The following TMEM117 variants were observed in gnomAD, a reference collection of about 807,000 sequenced individuals.
TMEM117 encodes the protein transmembrane protein 117.
Under a neutral mutation model 52.4 loss-of-function variants are expected in TMEM117, and 27 were observed. That is an observed-to-expected ratio of 0.51 (90% CI 0.38 to 0.71). The LOEUF (loss-of-function observed/expected upper bound fraction) is 0.71. Among genes scored for constraint, TMEM117 ranks in the 30% least tolerant of loss-of-function variants. The pLI, the probability that TMEM117 is intolerant of heterozygous loss-of-function variation, is 0.00. For synonymous variants in TMEM117, 215 were observed against 206.3 expected, an observed-to-expected ratio of 1.04 and a Z score of -0.36; for missense variants, 556 against 630.5, an observed-to-expected ratio of 0.88 and a Z score of 1.26.
chr12:44,326,300 T>A (rs886367659), intron 6 of TMEM117, among the ~76,000 whole-genome samples: 5 of 152,232 alleles, frequency 3.3e-5, no homozygotes, highest in African/African-American at 1.2e-4. Context: ...AGAGGGTGTG[T>A]TCAACATACA....
At chr12:44,362,537 T>C (rs1287004210) in intron 6 of TMEM117, among the ~76,000 whole-genome samples, 1 of 151,556 alleles carries the variant, frequency 6.6e-6, no homozygotes, top group African/African-American at 2.4e-5. Flanking sequence ...TGCAAATATT[T>C]AGCAAATAAA....
At chr12:43,986,889 A>T (rs1044552222) in intron 3 of TMEM117, among the ~76,000 whole-genome samples, 4 of 152,092 alleles carry the variant, frequency 2.6e-5, no homozygotes, top group Non-Finnish European at 5.9e-5. Flanking sequence ...TAGATTTTAA[A>T]TTTAAGGCTA....
chr12:44,143,413 C>T (rs1198849586), intron 3 of TMEM117, 112 bp from the exon 4 acceptor site: 9 of 697,824 alleles, frequency 1.3e-5, no homozygotes, highest in Non-Finnish European at 2.1e-5. Flanking sequence ...GGGACAAGAG[C>T]CAGACAGCTT....
At chr12:44,147,192 CTA>C (rs1334402751) in intron 4 of TMEM117, among the ~76,000 whole-genome samples, 1 of 152,136 alleles carries the variant, frequency 6.6e-6, no homozygotes, top group Non-Finnish European at 1.5e-5. Flanking sequence ...TGGGTCTTTG[CTA>C]TGGGCAGGAT....
At chr12:44,125,657 G>A (rs1289607422) in intron 3 of TMEM117, among the ~76,000 whole-genome samples, 2 of 151,844 alleles carry the variant, frequency 1.3e-5, no homozygotes, top group African/African-American at 2.4e-5. Context: ...TAAGTTTTCA[G>A]AAAACCAGCT....
intron 3 of TMEM117, among the ~76,000 whole-genome samples, chr12:44,131,752 A>T (rs1003637044): frequency 6.6e-6 from 1 of 152,188 alleles, no homozygotes; most frequent in African/African-American, 2.4e-5. Context: ...AATTGATATT[A>T]ATATAGCTAT....
chr12:44,361,860 C>A (rs1030501276), intron 6 of TMEM117, among the ~76,000 whole-genome samples: 3 of 152,088 alleles, frequency 2.0e-5, no homozygotes, highest in African/African-American at 7.2e-5. Context: ...CTGAGAAGTA[C>A]TAAGGTCTAT....
At chr12:43,846,003 T>TA (rs1320496767) in intron 2 of TMEM117, among the ~76,000 whole-genome samples, 1 of 152,096 alleles carries the variant, frequency 6.6e-6, no homozygotes, top group Non-Finnish European at 1.5e-5. Flanking sequence ...TTATAAATCA[T>TA]AAAAAAATGC....
At chr12:44,132,605 C>T (rs1031701556) in intron 3 of TMEM117, among the ~76,000 whole-genome samples, 1 of 152,102 alleles carries the variant, frequency 6.6e-6, no homozygotes, top group Non-Finnish European at 1.5e-5. Context: ...GTCAATACAA[C>T]AAAGAAAGCT....
intron 6 of TMEM117, among the ~76,000 whole-genome samples, chr12:44,361,796 A>T (rs1951725168): frequency 6.6e-6 from 1 of 151,970 alleles, no homozygotes; most frequent in Non-Finnish European, 1.5e-5. Flanking sequence ...ACACAAAAAA[A>T]AATTGTGCCA....
chr12:43,890,755 C>T (rs1479805830), intron 2 of TMEM117, among the ~76,000 whole-genome samples: 1 of 152,108 alleles, frequency 6.6e-6, no homozygotes, highest in African/African-American at 2.4e-5. Context: ...TGGTCTTGAA[C>T]TCCTGACCTC....
In TMEM117 at chr12:43,927,012, G is replaced by A. The variant is rs139449001; in HGVS notation, c.278-17198G>A. On this transcript the variant is annotated intron_variant, in intron 2 of 7. Transcript: ENST00000266534. ...TTTTTCTTCTTAAGTTGGATATATA[G>A]CTTATAGATATTCAGCCTTTTATAA... Among the ~76,000 whole-genome samples, 383 of 151,916 alleles carry A rather than the reference G, an allele frequency of 2.5e-3. 2 individuals carry two copies. The highest frequency in any genetic ancestry group is 8.5e-3 in the African/African-American group (353 of 41,494).
chr12:44,328,891 T>C (rs531978746), intron 6 of TMEM117, among the ~76,000 whole-genome samples: 1 of 152,102 alleles, frequency 6.6e-6, no homozygotes, highest in East Asian at 1.9e-4. Flanking sequence ...CTTTAAAGGT[T>C]TAGGGACCTG....
At chr12:44,065,054 A>G (rs55756710) in intron 3 of TMEM117, among the ~76,000 whole-genome samples, 24,445 of 152,224 alleles carry the variant, frequency 0.16, 2,975 homozygotes, top group African/African-American at 0.34. Context: ...TTAGTAATAC[A>G]ATCTGATAAA....
At chr12:43,978,591 A>G (rs1945710877) in intron 3 of TMEM117, among the ~76,000 whole-genome samples, 1 of 152,186 alleles carries the variant, frequency 6.6e-6, no homozygotes, top group South Asian at 2.1e-4. Flanking sequence ...TGTAGGCACA[A>G]CTACAGGAGT....
chr12:43,930,931 G>A (rs1592372335), intron 2 of TMEM117, among the ~76,000 whole-genome samples: 2 of 152,282 alleles, frequency 1.3e-5, no homozygotes, highest in East Asian at 3.9e-4. Context: ...CTGGGTGTGT[G>A]GGGAGGCCAA....
At chr12:43,918,748 G>A (rs150516692) in intron 2 of TMEM117, among the ~76,000 whole-genome samples, 14 of 152,282 alleles carry the variant, frequency 9.2e-5, no homozygotes, top group African/African-American at 3.4e-4. Context: ...GAGTTCCACA[G>A]CTGTCTGCCT....
At chr12:44,095,862 G>T (rs886940768) in intron 3 of TMEM117, among the ~76,000 whole-genome samples, 3 of 152,066 alleles carry the variant, frequency 2.0e-5, no homozygotes, top group East Asian at 3.9e-4. Context: ...GGAAGTTCTG[G>T]CCAGGGCAAT....
chr12:43,823,509 C>A, the TMEM117 span, among the ~76,000 whole-genome samples: 19,861 of 151,856 alleles, frequency 0.13, 1,489 homozygotes, highest in Middle Eastern at 0.2. Flanking sequence ...ATTTTTATTT[C>A]TTTATTTATT....
Sources: gnomAD v4.1 joint callset for allele counts (sites outside exome capture counted in the v4.1 genomes callset) on GRCh38, gnomAD v4.1.1 for gene constraint, MANE v1.5 for transcripts, NCBI Gene and HGNC (gene_info 2026-07-23, HGNC 2026-07-21) for gene names.